The following TRMT5 variants were observed in gnomAD, a reference collection of about 807,000 sequenced individuals.
TRMT5 encodes the protein tRNA methyltransferase 5.
Under a neutral mutation model 42.2 loss-of-function variants are expected in TRMT5, and 31 were observed. That is an observed-to-expected ratio of 0.73 (90% CI 0.55 to 0.99). The LOEUF is 0.99. TRMT5 is among the 50% of genes least tolerant of loss of function. The pLI, the probability that TRMT5 is intolerant of heterozygous loss-of-function variation, is 0.00. For synonymous variants in TRMT5, 198 were observed against 209.6 expected, an observed-to-expected ratio of 0.94 and a Z score of 0.48; for missense variants, 568 against 595.0, an observed-to-expected ratio of 0.95 and a Z score of 0.47.
intron 1 of TRMT5, among the ~76,000 whole-genome samples, chr14:60,980,172 G>A (rs1292964105): frequency 6.6e-6 from 1 of 152,180 alleles, no homozygotes; most frequent in Non-Finnish European, 1.5e-5. Flanking sequence ...CAATTTTCTA[G>A]ATAATACATT....
rs1420080126 is a variant in TRMT5, at chr14:60,972,423, G to C, written c.*2686C>G. ...TCTCTGTGATTCATCCTTCACCTTGGCTTTATCTCCTTTAGCATCCCCTTC... is the reference window on the plus strand; with the variant it reads ...TCTCTGTGATTCATCCTTCACCTTGCCTTTATCTCCTTTAGCATCCCCTTC... On this transcript the variant is annotated 3_prime_UTR_variant, in exon 5 of 5. Coordinates refer to ENST00000261249, the MANE Select transcript of TRMT5 (RefSeq NM_020810.3). 3.8e-6 allele frequency: 2 copies of C among 532,630 alleles called. No individual in the cohort carries two copies. Among genetic ancestry groups the C allele is most frequent in the Non-Finnish European group, 7.6e-6 (2 of 264,370 alleles). The allele number at this position is 532,630 out of a possible 1,614,324, so 33.0% of individuals were successfully genotyped here.
chr14:60,981,392 C>G (rs765646357), upstream of TRMT5: 6 of 1,581,944 alleles, frequency 3.8e-6, no homozygotes, highest in East Asian at 1.2e-4. Flanking sequence ...CGTAAGTGGG[C>G]TGTGTTCGCT....
In TRMT5 at chr14:60,972,466, TGGCGGCGGCGGC is replaced by T. The variant is rs201910810; in HGVS notation, c.*2631_*2642del. The stretch of plus-strand genomic sequence containing the variant: ...TCCCCTTCAGTCTTTCTCTTGGGCA[TGGCGGCGGCGGC>T]GGCGGCGGGATGTGGGCACCGGGTG... On this transcript the variant is annotated 3_prime_UTR_variant, in exon 5 of 5. Coordinates refer to ENST00000261249, the MANE Select transcript of TRMT5 (RefSeq NM_020810.3). 1.4e-5 allele frequency: 7 copies of T among 490,404 alleles called. No individual in the cohort carries two copies. Among genetic ancestry groups the T allele is most frequent in the South Asian group, 1.0e-4 (7 of 67,198 alleles). The allele number at this position is 490,404 out of a possible 1,614,324, so 30.4% of individuals were successfully genotyped here.
At chr14:60,981,496 C>A, upstream of TRMT5, 4 of 1,536,274 alleles carry the variant, frequency 2.6e-6, no homozygotes, top group Non-Finnish European at 3.5e-6. Context: ...ATGCTGGAGC[C>A]TGAACCCTGG....
Position 60,972,271 on chromosome 14 carries a change from G to A in TRMT5, c.*2838C>T, listed in dbSNP as rs763438422. Reference sequence around the variant, plus strand: ...CACTTGGGATCTCCAGCACCTTCCCGCTCCTTGCCAGCATCAGCTTTTCTC... The same window carrying A: ...CACTTGGGATCTCCAGCACCTTCCCACTCCTTGCCAGCATCAGCTTTTCTC... On this transcript the variant is annotated 3_prime_UTR_variant, in exon 5 of 5. Transcript: ENST00000261249. The A allele has an allele frequency of 1.9e-4, 101 of 532,518 alleles. 1 individual carries two copies. Among genetic ancestry groups the A allele is most frequent in the Admixed American group, 7.1e-4 (37 of 51,878 alleles). 33.0% of individuals were successfully genotyped at this position (532,518 alleles called of 1,614,324 possible).
chr14:60,976,237 A>T, intron 3 of TRMT5, 111 bp from the exon 4 acceptor site: 1 of 1,270,104 alleles, frequency 7.9e-7, no homozygotes, highest in Non-Finnish European at 1.1e-6. Flanking sequence ...ATTTAAGTTT[A>T]CTACTGTAAG....
chr14:60,980,943 T>TA lies in TRMT5; in HGVS notation c.11+19dup. 6.2e-7 allele frequency: 1 copy of TA among 1,612,626 alleles called. No individual in the cohort carries two copies. Among genetic ancestry groups the TA allele is most frequent in the African/African-American group, 1.3e-5 (1 of 75,026 alleles). ...GTACCTCCCCTGGACCATTAGCCCC[T>TA]AACGCGGCCGCCACCTCACCAAAGC... On this transcript the variant is annotated intron_variant, in intron 1 of 4. Transcript: ENST00000261249.
chr14:60,979,889 T>C lies in TRMT5; in HGVS notation c.12-3A>G, dbSNP rs1403720507. 9.4e-7 allele frequency: 1 copy of C among 1,064,298 alleles called. No homozygotes were observed. The highest frequency in any genetic ancestry group is 1.3e-6 in the Non-Finnish European group (1 of 789,598). 65.9% of individuals were successfully genotyped at this position (1,064,298 alleles called of 1,614,324 possible). ...ATCCAAATGGCCTCCATAAGATCCT[T>C]AAAAAAAAAAAAAAAAAATTCACAC... On this transcript the variant is annotated splice_polypyrimidine_tract_variant and splice_region_variant and intron_variant, in intron 1 of 4. Transcript: ENST00000261249.
chr14:60,975,955 T>G lies in TRMT5; in HGVS notation c.964A>C (p.Thr322Pro), dbSNP rs368575187. 14 of 1,614,062 alleles carry G rather than the reference T, an allele frequency of 8.7e-6. No individual in the cohort carries two copies. Among genetic ancestry groups the G allele is most frequent in the Non-Finnish European group, 1.2e-5 (14 of 1,180,044 alleles). Residue 322 changes from threonine (T) to proline (P), a missense_variant, in exon 4 of 5, where the codon ACT becomes CCT. By Grantham distance (38) the Thr-to-Pro change is conservative (BLOSUM62 -1). Coordinates refer to ENST00000261249, the MANE Select transcript of TRMT5 (RefSeq NM_020810.3). Reference sequence around the variant, plus strand: ...GGATTGAGATCATTGGCAAATACAGTGCAGTTTTTCTTTGCTACTGGAATG... The same window carrying G: ...GGATTGAGATCATTGGCAAATACAGGGCAGTTTTTCTTTGCTACTGGAATG... ...FAIPVAKKNC[T>P]VFANDLNPES...
At chr14:60,981,394 G>C, upstream of TRMT5, 1 of 1,580,794 alleles carries the variant, frequency 6.3e-7, no homozygotes, top group South Asian at 1.2e-5. Context: ...TAAGTGGGCT[G>C]TGTTCGCTTC....
intron 4 of TRMT5, 115 bp downstream of exon 4, chr14:60,975,360 A>T: frequency 2.9e-6 from 4 of 1,400,122 alleles, no homozygotes; most frequent in Non-Finnish European, 1.9e-6. Flanking sequence ...GACTGAACTA[A>T]CACAGTAGCT....
chr14:60,981,277 C>T (rs765901518), upstream of TRMT5: 11 of 1,600,554 alleles, frequency 6.9e-6, no homozygotes, highest in Non-Finnish European at 8.5e-6. Flanking sequence ...TGGAGAGCAG[C>T]ATGGAGGCGT....
upstream of TRMT5, chr14:60,981,354 C>T (rs1228239560): frequency 1.9e-6 from 3 of 1,608,572 alleles, no homozygotes; most frequent in Admixed American, 5.1e-5. Flanking sequence ...GAAGCGGAGG[C>T]CGAAGAGTTG....
chr14:60,975,240 T>C (rs760872879), intron 4 of TRMT5, 46 bp from the exon 5 acceptor site: 168 of 1,497,640 alleles, frequency 1.1e-4, no homozygotes, highest in Non-Finnish European at 1.4e-4. Context: ...TATTAACAGT[T>C]GAAAATACTC....
Position 60,981,066 on chromosome 14 carries a change from G to A in TRMT5, c.-93C>T, listed in dbSNP as rs914491470. 6.2e-7 allele frequency: 1 copy of A among 1,606,374 alleles called. No individual in the cohort carries two copies. The highest frequency in any genetic ancestry group is 8.5e-7 in the Non-Finnish European group (1 of 1,179,628). ...ATCGGATGTGGGTCGCGGGTGGATG[G>A]GCGGGTCTTCTATGACATCATCACT... On this transcript the variant is annotated 5_prime_UTR_variant, in exon 1 of 5. Coordinates refer to ENST00000261249, the MANE Select transcript of TRMT5 (RefSeq NM_020810.3).
intron 2 of TRMT5, among the ~76,000 whole-genome samples, chr14:60,977,992 A>T (rs1201474985): frequency 6.6e-6 from 1 of 152,172 alleles, no homozygotes; most frequent in East Asian, 1.9e-4. Flanking sequence ...AAGAGATGTA[A>T]AGGACCCTGG....
upstream of TRMT5, chr14:60,981,395 T>C (rs1274813981): frequency 6.3e-7 from 1 of 1,579,826 alleles, no homozygotes; most frequent in Non-Finnish European, 8.6e-7. Flanking sequence ...AAGTGGGCTG[T>C]GTTCGCTTCC....
chr14:60,976,052 G>A lies in TRMT5; in HGVS notation c.867C>T (p.His289=). 3.1e-6 allele frequency: 5 copies of A among 1,614,218 alleles called. No homozygotes were observed. The highest frequency in any genetic ancestry group is 2.2e-5 in the East Asian group (1 of 44,886). The stretch of plus-strand genomic sequence containing the variant: ...GTTTGAGAAGTTCTGTGATACGGCT[G>A]TGTTCTGTAGACAGACGAGGATTCC... ...VYWNPRLSTE[H]SRITELLKPG... Residue 289 remains histidine, a synonymous_variant, in exon 4 of 5, where the codon CAC becomes CAT. Transcript: ENST00000261249.
rs1436204273 is a variant in TRMT5 at position 60,979,285 on chromosome 14, G to A, written c.613C>T (p.His205Tyr). The A allele has an allele frequency of 6.2e-7, 1 of 1,614,006 alleles. No homozygotes were observed. The highest frequency in any genetic ancestry group is 1.1e-5 in the South Asian group (1 of 91,050). ...TCTCGAAGGTTTAGGTGTGCAATAT[G>A]TCCAATCCTGCTAAACCCTGAAGTT... Reference protein sequence around the residue: ...DVTSGFSRIGHIAHLNLRDHQ... With the variant: ...DVTSGFSRIGYIAHLNLRDHQ... The change falls in exon 2 of 5, where the codon CAT becomes TAT. Residue 205 changes from histidine to tyrosine, a missense_variant. Physicochemically the swap from His to Tyr is moderately conservative, Grantham distance 83 (BLOSUM62 2). Coordinates refer to ENST00000261249, the MANE Select transcript of TRMT5 (RefSeq NM_020810.3).
Sources: gnomAD v4.1 joint callset for allele counts (sites outside exome capture counted in the v4.1 genomes callset) on GRCh38, gnomAD v4.1.1 for gene constraint, MANE v1.5 for transcripts, NCBI Gene and HGNC (gene_info 2026-07-23, HGNC 2026-07-21) for gene names.